SPECC1: variants seen among roughly 807,000 people sequenced by gnomAD.
The protein encoded by SPECC1 is cytospin-B.
SPECC1 carries 62 observed loss-of-function variants against 104.1 expected under a neutral mutation model. That is an observed-to-expected ratio of 0.60 (90% CI 0.49 to 0.74). The LOEUF is 0.74. SPECC1 is among the 30% of genes least tolerant of loss of function. SPECC1 has a pLI of 0.00. For synonymous variants in SPECC1, 513 were observed against 501.6 expected, an observed-to-expected ratio of 1.02 and a Z score of -0.30; for missense variants, 1,306 against 1,310.5, an observed-to-expected ratio of 1.00 and a Z score of 0.05.
intron 6 of SPECC1, 137 bp from the exon 7 acceptor site, chr17:20,232,062 GA>G: frequency 9.5e-7 from 1 of 1,052,680 alleles, no homozygotes; most frequent in Non-Finnish European, 1.4e-6. Flanking sequence ...TCCTAGCAGT[GA>G]GCCACCGTGT....
At chr17:20,280,532 A>G (rs771228302) in intron 12 of SPECC1, among the ~76,000 whole-genome samples, 1 of 152,182 alleles carries the variant, frequency 6.6e-6, no homozygotes, top group East Asian at 1.9e-4. Context: ...CCATCTGCAT[A>G]AAAGGGGGAA....
chr17:20,231,538 T>A (rs1305089690), intron 5 of SPECC1, among the ~76,000 whole-genome samples: 2 of 152,192 alleles, frequency 1.3e-5, no homozygotes, highest in Non-Finnish European at 2.9e-5. Context: ...CATCACATAT[T>A]TTCCAGATCA....
chr17:20,275,557 A>G (rs1224675859), intron 12 of SPECC1, among the ~76,000 whole-genome samples: 7 of 152,208 alleles, frequency 4.6e-5, no homozygotes, highest in Admixed American at 4.6e-4. Context: ...TGAAAACCCC[A>G]AAAATGTTGT....
chr17:20,188,833 TG>T (rs930185432), intron 3 of SPECC1, among the ~76,000 whole-genome samples: 2 of 152,116 alleles, frequency 1.3e-5, no homozygotes, highest in Admixed American at 6.5e-5. Context: ...TTTTGACCCA[TG>T]GGTGCTTTGA....
Position 20,314,287 on chromosome 17 carries a change from T to C in SPECC1, c.*222T>C, listed in dbSNP as rs2042005057. On this transcript the variant is annotated 3_prime_UTR_variant, in exon 15 of 15. Coordinates refer to ENST00000395527, the MANE Select transcript of SPECC1 (RefSeq NM_001243439.2). ...GCTGGACTGTAAATTGGGGACTCTT[T>C]GATCTCTTGTGGGATGCTTCTAAAG... The C allele has an allele frequency of 1.1e-5, 6 of 570,620 alleles. No homozygotes were observed. The highest frequency in any genetic ancestry group is 1.9e-5 in the African/African-American group (1 of 53,428). 35.3% of individuals were successfully genotyped at this position (570,620 alleles called of 1,614,324 possible). A position where few individuals can be genotyped will look rare whatever the true frequency, so the allele number is the denominator to read the frequency against.
chr17:20,051,133 T>TTTCTTTCTTTCC (rs2045756650), intron 1 of SPECC1, among the ~76,000 whole-genome samples: 32 of 40,858 alleles, frequency 7.8e-4, no homozygotes, highest in East Asian at 1.5e-3. Context: ...TCTTTCTTTC[T>TTTCTTTCTTTCC]TTCTTTCCTT....
At chr17:20,309,134 T>C (rs1245530205) in intron 14 of SPECC1, among the ~76,000 whole-genome samples, 1 of 152,180 alleles carries the variant, frequency 6.6e-6, no homozygotes, top group African/African-American at 2.4e-5. Context: ...GTGAGCACTT[T>C]CCCGGCTTTT....
At chr17:20,132,712 GTTATTTATTTATTTAT>G (rs56948106) in intron 3 of SPECC1, among the ~76,000 whole-genome samples, 6 of 144,894 alleles carry the variant, frequency 4.1e-5, no homozygotes, top group South Asian at 2.2e-4. Flanking sequence ...TTTATGTGTA[GTTATTTATTTATTTAT>G]TTATTTATTT....
At chr17:20,305,788 G>A in intron 13 of SPECC1, 1 of 447,704 alleles carries the variant, frequency 2.2e-6, no homozygotes, top group Non-Finnish European at 4.0e-6. Flanking sequence ...TCTTGACAAA[G>A]GTAAACAAAA....
intron 13 of SPECC1, among the ~76,000 whole-genome samples, chr17:20,301,584 C>T (rs1350118663): frequency 6.6e-6 from 1 of 152,078 alleles, no homozygotes; most frequent in Non-Finnish European, 1.5e-5. Context: ...TAAACTATGT[C>T]TGACATTGGT....
chr17:20,165,978 C>T (rs927779521), intron 3 of SPECC1, among the ~76,000 whole-genome samples: 7 of 151,964 alleles, frequency 4.6e-5, no homozygotes, highest in African/African-American at 1.4e-4. Context: ...AAATGTTCTC[C>T]CATTCTGTAG....
intron 13 of SPECC1, among the ~76,000 whole-genome samples, chr17:20,302,983 C>T (rs1412591037): frequency 2.0e-5 from 3 of 150,894 alleles, no homozygotes; most frequent in African/African-American, 4.9e-5. Flanking sequence ...AATGCTTTCT[C>T]GTTAGACCTT....
chr17:20,270,308 G>A (rs1443721718), intron 12 of SPECC1, among the ~76,000 whole-genome samples: 5 of 151,380 alleles, frequency 3.3e-5, no homozygotes, highest in South Asian at 2.1e-4. Flanking sequence ...AAAAAAAACA[G>A]TGTTATGAAC....
Position 20,317,117 on chromosome 17 carries a change from T to C in SPECC1, c.*3052T>C, listed in dbSNP as rs539716156. 3.4e-4 allele frequency: 62 copies of C among 185,010 alleles called. No individual in the cohort carries two copies. Among genetic ancestry groups the C allele is most frequent in the South Asian group, 9.9e-4 (5 of 5,060 alleles). 11.5% of individuals were successfully genotyped at this position (185,010 alleles called of 1,614,324 possible). A position where few individuals can be genotyped will look rare whatever the true frequency, so the allele number is the denominator to read the frequency against. Reference sequence around the variant, plus strand: ...GAAGAGGAATGCCATGTCCTGTCCATAGAAATACACATGGTGGTCAGGCAT... The same window carrying C: ...GAAGAGGAATGCCATGTCCTGTCCACAGAAATACACATGGTGGTCAGGCAT... On this transcript the variant is annotated 3_prime_UTR_variant, in exon 15 of 15. Coordinates refer to ENST00000395527, the MANE Select transcript of SPECC1 (RefSeq NM_001243439.2).
chr17:20,215,290 C>G (rs1044051354), intron 4 of SPECC1, among the ~76,000 whole-genome samples: 1 of 152,172 alleles, frequency 6.6e-6, no homozygotes, highest in Non-Finnish European at 1.5e-5. Context: ...TGAGCAGGTG[C>G]GATTCTGAAT....
At chr17:20,044,075 A>G (rs2045439564) in intron 1 of SPECC1, among the ~76,000 whole-genome samples, 2 of 152,160 alleles carry the variant, frequency 1.3e-5, no homozygotes, top group South Asian at 4.1e-4. Flanking sequence ...TAAGCTGTGC[A>G]TCATAGAATC....
At chr17:20,170,086 TC>T (rs1204827235) in intron 3 of SPECC1, among the ~76,000 whole-genome samples, 1 of 152,218 alleles carries the variant, frequency 6.6e-6, no homozygotes, top group Non-Finnish European at 1.5e-5. Context: ...CCTCTGCTGT[TC>T]CATTGCCCTT....
At chr17:20,219,612 T>G (rs1171961655) in intron 4 of SPECC1, among the ~76,000 whole-genome samples, 1 of 152,218 alleles carries the variant, frequency 6.6e-6, no homozygotes, top group Admixed American at 6.5e-5. Flanking sequence ...AAGTATTTTC[T>G]CCCATTCTGT....
intron 14 of SPECC1, among the ~76,000 whole-genome samples, chr17:20,310,856 T>C (rs1021156407): frequency 1.1e-4 from 17 of 152,344 alleles, no homozygotes; most frequent in Non-Finnish European, 2.2e-4. Flanking sequence ...GACAAGCATT[T>C]TGTTTTTCAT....
Sources: allele counts gnomAD v4.1 joint callset (sites outside exome capture counted in the v4.1 genomes callset), GRCh38; gene constraint gnomAD v4.1.1; transcripts MANE v1.5; gene names NCBI Gene and HGNC (gene_info 2026-07-23, HGNC 2026-07-21).